The following PTPN21 variants were observed in gnomAD, a reference collection of about 807,000 sequenced individuals.
PTPN21 encodes the protein tyrosine-protein phosphatase non-receptor type 21.
PTPN21 carries 77 observed loss-of-function variants against 131.8 expected under a neutral mutation model. That is an observed-to-expected ratio of 0.58 (90% confidence interval 0.49 to 0.71). The LOEUF is 0.71. Ranked by LOEUF, PTPN21 falls within the 30% of genes least tolerant of loss-of-function variation. The pLI is 0.00. For synonymous variants in PTPN21, 715 were observed against 621.3 expected (o/e 1.15, Z -2.24); for missense variants, 1,552 against 1,527.1 (o/e 1.02, Z -0.27).
intron 12 of PTPN21, 43 bp from the exon 13 acceptor site, chr14:88,480,395 A>G: frequency 6.9e-7 from 1 of 1,438,964 alleles, no homozygotes; most frequent in Non-Finnish European, 9.6e-7. Context: ...TAAATGGACT[A>G]ATTACTCCAA....
intron 13 of PTPN21, among the ~76,000 whole-genome samples, chr14:88,475,417 T>C (rs1483472993): frequency 6.6e-6 from 1 of 152,224 alleles, no homozygotes; most frequent in African/African-American, 2.4e-5. Flanking sequence ...CCCCACATAA[T>C]GCAGTCTAGA....
In PTPN21 at chr14:88,478,998, C is replaced by A. The variant is rs778912104; in HGVS notation, c.2433G>T (p.Arg811Ser). 6.3e-7 allele frequency: 1 copy of A among 1,594,006 alleles called. No homozygotes were observed. Among genetic ancestry groups the A allele is most frequent in the East Asian group, 2.3e-5 (1 of 44,016 alleles). Residue 811 changes from arginine to serine, a missense_variant, in exon 13 of 19, where the codon AGG (arginine) becomes AGT (serine). Coordinates refer to ENST00000556564, the MANE Select transcript of PTPN21 (RefSeq NM_007039.4). ...LTTSGRYRAR[R>S]DSLKKRPVSD... ...ACACCGGCCTTTTCTTCAGAGAGTC[C>A]CTCCGGGCTCGGTAGCGGCCTGACG... is the stretch of plus-strand genomic sequence containing the variant.
In PTPN21 at chr14:88,474,131, CAAAAA is replaced by C. The variant is rs754719071; in HGVS notation, c.2512-334_2512-330del. Among the ~76,000 whole-genome samples the C allele has an allele frequency of 4.6e-3, 217 of 46,690 alleles. 1 individual carries two copies. The highest frequency in any genetic ancestry group is 0.015 in the African/African-American group (191 of 12,706). The allele number at this position is 46,690 out of a possible 152,430, so 30.6% of individuals were successfully genotyped here. A position where few individuals can be genotyped will look rare whatever the true frequency, so the allele number is the denominator to read the frequency against. On this transcript the variant is annotated intron_variant, in intron 13 of 18. Transcript: ENST00000556564. Reference sequence around the variant, plus strand: ...CAGACGTAACAAATCAGCTGAAGTCCAAAAAAAAAAAAAAAAAAAAAAAACAAAAG... The same window carrying C: ...CAGACGTAACAAATCAGCTGAAGTCCAAAAAAAAAAAAAAAAAAACAAAAG...
intron 3 of PTPN21, among the ~76,000 whole-genome samples, chr14:88,513,084 A>G (rs983756544): frequency 6.6e-6 from 1 of 152,206 alleles, no homozygotes; most frequent in Non-Finnish European, 1.5e-5. Flanking sequence ...AAGGTGAGCA[A>G]TGAGGTTTTT....
chr14:88,534,764 C>G (rs2078605481), intron 2 of PTPN21, among the ~76,000 whole-genome samples: 1 of 152,066 alleles, frequency 6.6e-6, no homozygotes, highest in Non-Finnish European at 1.5e-5. Context: ...ATTCCAGCTA[C>G]TTGGGAGGCT....
At chr14:88,513,089 G>GT (rs1295255094) in intron 3 of PTPN21, among the ~76,000 whole-genome samples, 3 of 151,888 alleles carry the variant, frequency 2.0e-5, no homozygotes, top group Non-Finnish European at 2.9e-5. Context: ...GAGCAATGAG[G>GT]TTTTTTTTAA....
Position 88,550,379 on chromosome 14 carries a change from C to T in PTPN21, c.39G>A (p.Arg13=), listed in dbSNP as rs957131074. Residue 13 remains arginine (R), a synonymous_variant, in exon 2 of 19, where the codon CGG becomes CGA. Coordinates refer to ENST00000556564, the MANE Select transcript of PTPN21 (RefSeq NM_007039.4). The part of the protein sequence containing the change: ...LPFGLKLKRT[R]RYTVSSKSCL... Reference sequence around the variant, plus strand: ...AACTCTTGCTGGACACCGTGTAGCGCCGGGTGCGTTTCAGTTTCAACCCAA... The same window carrying T: ...AACTCTTGCTGGACACCGTGTAGCGTCGGGTGCGTTTCAGTTTCAACCCAA... The T allele has an allele frequency of 3.1e-6, 5 of 1,614,020 alleles. No individual in the cohort carries two copies. The highest frequency in any genetic ancestry group is 2.2e-5 in the East Asian group (1 of 44,890).
chr14:88,523,716 GACACACACACAC>G lies in PTPN21; in HGVS notation c.181-6467_181-6456del, dbSNP rs71126989. ...TCCTCCAAATCCACCCCCCAACCGT[GACACACACACAC>G]ACACACACACACACACACACACACA... is the stretch of plus-strand genomic sequence containing the variant. On this transcript the variant is annotated intron_variant, in intron 2 of 18. Transcript: ENST00000556564. Among the ~76,000 whole-genome samples the G allele has an allele frequency of 1.1e-4, 16 of 144,544 alleles. No homozygotes were observed. In the South Asian group the frequency reaches 2.1e-3, roughly 19 times the overall value. 94.8% of individuals were successfully genotyped at this position (144,544 alleles called of 152,430 possible). A position where few individuals can be genotyped will look rare whatever the true frequency, so the allele number is the denominator to read the frequency against.
chr14:88,505,249 G>T, intron 5 of PTPN21, 55 bp downstream of exon 5: 1 of 1,315,742 alleles, frequency 7.6e-7, no homozygotes, highest in Non-Finnish European at 1.1e-6. Flanking sequence ...GGATTATTAA[G>T]GGTATAGGAA....
At chr14:88,525,714 A>G (rs1431616903) in intron 2 of PTPN21, among the ~76,000 whole-genome samples, 1 of 152,214 alleles carries the variant, frequency 6.6e-6, no homozygotes, top group Non-Finnish European at 1.5e-5. Context: ...TACCCAAAAG[A>G]ACTGAAAAAC....
intron 12 of PTPN21, 29 bp downstream of exon 12, chr14:88,485,047 T>C: frequency 1.3e-6 from 2 of 1,519,280 alleles, no homozygotes; most frequent in East Asian, 2.3e-5. Flanking sequence ...CATAACTATG[T>C]AAGGCATGGC....
chr14:88,505,248 A>G, intron 5 of PTPN21, 56 bp downstream of exon 5: 1 of 1,299,926 alleles, frequency 7.7e-7, no homozygotes, highest in Non-Finnish European at 1.1e-6. Context: ...GGGATTATTA[A>G]GGGTATAGGA....
At position 88,472,584 on chromosome 14, in the gene PTPN21, T is replaced by C. The variant is rs1595340971; in HGVS notation, c.2650-119A>G. ...TCTAGCACTGTATAATATTGAAAAT[T>C]CTAGGTTGGGCACGGTGTCTCATGC... On this transcript the variant is annotated intron_variant, in intron 14 of 18. Coordinates refer to ENST00000556564, the MANE Select transcript of PTPN21 (RefSeq NM_007039.4). 4.3e-6 allele frequency: 3 copies of C among 695,456 alleles called. No individual in the cohort carries two copies. In the East Asian group the frequency reaches 8.2e-5, roughly 19 times the overall value. The allele number at this position is 695,456 out of a possible 1,614,324, so 43.1% of individuals were successfully genotyped here.
chr14:88,501,474 C>A, intron 6 of PTPN21, 106 bp from the exon 7 acceptor site: 1 of 977,150 alleles, frequency 1.0e-6, no homozygotes. Context: ...ACATTATAAA[C>A]ATTTCACGTT....
chr14:88,510,882 AATGGATGG>A (rs928937734), intron 3 of PTPN21, among the ~76,000 whole-genome samples: 2 of 151,990 alleles, frequency 1.3e-5, no homozygotes, highest in Non-Finnish European at 2.9e-5. Flanking sequence ...AGGATGGATG[AATGGATGG>A]ATGGATGGAT....
chr14:88,480,190 G>T lies in PTPN21; in HGVS notation c.1241C>A (p.Pro414Gln). 1.2e-6 allele frequency: 2 copies of T among 1,614,156 alleles called. No homozygotes were observed. Among genetic ancestry groups the T allele is most frequent in the Non-Finnish European group, 1.7e-6 (2 of 1,180,010 alleles). ...GGTGATGCTAGGGTTGGACGACATC[G>T]GCGAGGGCTGCAAGTAGGGCTGAGG... ...NNPQPYLQPS[P>Q]MSSNPSITGS... The change falls in exon 13 of 19, where the codon CCG becomes CAG. Residue 414 changes from proline (P) to glutamine (Q), a missense_variant. Coordinates refer to ENST00000556564, the MANE Select transcript of PTPN21 (RefSeq NM_007039.4).
chr14:88,479,533 T>G lies in PTPN21; in HGVS notation c.1898A>C (p.His633Pro), dbSNP rs202073698. The change falls in exon 13 of 19, where the codon CAC becomes CCC. Residue 633 changes from histidine to proline, a missense_variant. By Grantham distance (77) the His-to-Pro change is moderately conservative. This residue lies in a region of PTPN21 where 1,016 missense variants were observed against 883.5 expected (regional missense o/e 1.15). Coordinates refer to ENST00000556564, the MANE Select transcript of PTPN21 (RefSeq NM_007039.4). ...GGCCACCTCGATGCTGTTCCGTTTG[T>G]GCAGCTGCGCGTGGCGCGCGGCGGT... ...PLTAARHAQL[H>P]KRNSIEVAGL... The G allele has an allele frequency of 3.8e-4, 608 of 1,600,162 alleles. No individual in the cohort carries two copies. The highest frequency in any genetic ancestry group is 5.0e-4 in the Non-Finnish European group (586 of 1,179,266).
At chr14:88,516,402 C>T (rs2078270291) in intron 3 of PTPN21, among the ~76,000 whole-genome samples, 1 of 151,950 alleles carries the variant, frequency 6.6e-6, no homozygotes, top group Non-Finnish European at 1.5e-5. Context: ...ACATATTTAA[C>T]GTTCAAAAGT....
intron 2 of PTPN21, among the ~76,000 whole-genome samples, chr14:88,528,047 A>AT (rs1215670003): frequency 6.6e-6 from 1 of 152,150 alleles, no homozygotes. Flanking sequence ...TTTGGTAACT[A>AT]TAGGCTTGTA....
Sources: allele counts gnomAD v4.1 joint callset (sites outside exome capture counted in the v4.1 genomes callset), GRCh38; gene constraint gnomAD v4.1.1; regional missense constraint gnomAD v4.1.1; transcripts MANE v1.5; gene names NCBI Gene and HGNC (gene_info 2026-07-23, HGNC 2026-07-21).